Variants in PSD3 observed in about 807,000 individuals in gnomAD.
The protein encoded by PSD3 is PH and SEC7 domain-containing protein 3.
PSD3 carries 49 observed loss-of-function variants against 105.5 expected under a neutral mutation model. The ratio of observed to expected loss-of-function variants is 0.46; its 90% CI spans 0.37 to 0.59. The LOEUF is 0.59. Ranked by LOEUF, PSD3 falls within the 20% of genes least tolerant of loss-of-function variation. The probability of loss-of-function intolerance (pLI) is 0.00; values close to 1 mark genes in which losing one functional copy is unlikely to be tolerated. For synonymous variants in PSD3, 557 were observed against 457.8 expected, an observed-to-expected ratio of 1.22 and a Z score of -2.77; for missense variants, 1,561 against 1,263.8, an observed-to-expected ratio of 1.24 and a Z score of -3.57.
At chr8:18,559,852 G>A (rs983710558) in intron 14 of PSD3, among the ~76,000 whole-genome samples, 3 of 152,096 alleles carry the variant, frequency 2.0e-5, no homozygotes, top group Admixed American at 1.3e-4. Context: ...GCTTGCTCGG[G>A]TTTGTTCACT....
chr8:18,576,775 G>C (rs1447847363), intron 12 of PSD3, among the ~76,000 whole-genome samples: 1 of 152,004 alleles, frequency 6.6e-6, no homozygotes, highest in Non-Finnish European at 1.5e-5. Flanking sequence ...GAAATGATGA[G>C]GGCCAAAATC....
At chr8:18,857,212 C>G (rs1816080745) in intron 4 of PSD3, among the ~76,000 whole-genome samples, 1 of 152,228 alleles carries the variant, frequency 6.6e-6, no homozygotes, top group African/African-American at 2.4e-5. Flanking sequence ...AGAACGGGGA[C>G]TGGCTCAACT....
At chr8:18,675,198 GA>G (rs1203125706) in intron 9 of PSD3, among the ~76,000 whole-genome samples, 1 of 152,108 alleles carries the variant, frequency 6.6e-6, no homozygotes, top group Admixed American at 6.5e-5. Context: ...AAACTGTAAT[GA>G]AAAAGCTCAA....
In PSD3 at chr8:18,844,677, G is replaced by A. The variant is rs562557348; in HGVS notation, c.1634+22997C>T. Among the ~76,000 whole-genome samples the A allele has an allele frequency of 2.0e-5, 3 of 152,314 alleles. No homozygotes were observed. The South Asian group carries it at 6.2e-4, about 32-fold the overall frequency. ...CCCCTACTCCACATTAAATAGGATG[G>A]ATTGCTTTCTCAGGGAAAAATAAGA... is the stretch of plus-strand genomic sequence containing the variant. On this transcript the variant is annotated intron_variant, in intron 4 of 15. Transcript: ENST00000327040.
At chr8:18,759,898 C>T (rs1370973299) in intron 9 of PSD3, among the ~76,000 whole-genome samples, 1 of 150,202 alleles carries the variant, frequency 6.7e-6, no homozygotes, top group Non-Finnish European at 1.5e-5. Flanking sequence ...CACTGAAAGG[C>T]CCTGTGTCTT....
chr8:18,953,282 T>C (rs1167750744), intron 1 of PSD3, among the ~76,000 whole-genome samples: 3 of 150,518 alleles, frequency 2.0e-5, no homozygotes, highest in African/African-American at 7.4e-5. Context: ...GGCATGTTCA[T>C]ATATATCTGT....
chr8:18,797,255 A>C (rs1810269859), intron 8 of PSD3, among the ~76,000 whole-genome samples: 1 of 152,170 alleles, frequency 6.6e-6, no homozygotes. Flanking sequence ...ACAGAGAACT[A>C]CTTATCACCA....
rs1160369088 is a variant in PSD3, at chr8:18,610,022, C to G, written c.2411-9588G>C. ...GCAGCGTGGTAGCACTAAAACAGTA[C>G]TATTACTACTATATATTCCTAATCA... On this transcript the variant is annotated intron_variant, in intron 11 of 15. Transcript: ENST00000327040. Among the ~76,000 whole-genome samples the G allele has an allele frequency of 2.6e-5, 4 of 152,308 alleles. 1 individual carries two copies. The East Asian group carries it at 7.7e-4, about 29-fold the overall frequency.
intron 2 of PSD3, among the ~76,000 whole-genome samples, chr8:18,929,413 T>C (rs900600018): frequency 2.6e-5 from 4 of 151,950 alleles, no homozygotes; most frequent in African/African-American, 9.7e-5. Context: ...GCAGAACATA[T>C]GTCACCATGA....
At chr8:18,720,193 A>C (rs1802867002) in intron 9 of PSD3, among the ~76,000 whole-genome samples, 5 of 152,160 alleles carry the variant, frequency 3.3e-5, no homozygotes, top group Admixed American at 3.3e-4. Context: ...AAAAAAACAA[A>C]AAACCCTCAA....
At chr8:18,786,157 T>C (rs920058327) in intron 8 of PSD3, among the ~76,000 whole-genome samples, 2 of 152,122 alleles carry the variant, frequency 1.3e-5, no homozygotes, top group South Asian at 2.1e-4. Context: ...TGAGTCGAGA[T>C]TGCGCCACTG....
rs138115015 is a variant in PSD3 at position 18,575,406 on chromosome 8, G to T, written c.2482-121C>A. 856 of 938,904 alleles carry T rather than the reference G, an allele frequency of 9.1e-4. 2 individuals are homozygous for T. The African/African-American group carries it at 0.012, about 13-fold the overall frequency. The allele number at this position is 938,904 out of a possible 1,614,324, so 58.2% of individuals were successfully genotyped here. A position where few individuals can be genotyped will look rare whatever the true frequency, so the allele number is the denominator to read the frequency against. Reference sequence around the variant, plus strand: ...ATCCAAGTAAGTGAATGAAAAAAATGAAACAAACGGTGAGTAAAAACAACC... The same window carrying T: ...ATCCAAGTAAGTGAATGAAAAAAATTAAACAAACGGTGAGTAAAAACAACC... On this transcript the variant is annotated intron_variant, in intron 12 of 15. Transcript: ENST00000327040.
At chr8:18,781,912 G>C (rs1030246995) in intron 8 of PSD3, among the ~76,000 whole-genome samples, 5 of 151,824 alleles carry the variant, frequency 3.3e-5, no homozygotes, top group Non-Finnish European at 4.4e-5. Flanking sequence ...ATCTGCTCAG[G>C]TTATTTCAAA....
intron 9 of PSD3, among the ~76,000 whole-genome samples, chr8:18,681,658 C>G (rs999216819): frequency 2.0e-5 from 3 of 151,896 alleles, no homozygotes; most frequent in Admixed American, 6.6e-5. Flanking sequence ...ATTTAGGGTA[C>G]AAGCCTGTCA....
At chr8:18,791,061 A>G (rs1008520144) in intron 8 of PSD3, among the ~76,000 whole-genome samples, 6 of 152,226 alleles carry the variant, frequency 3.9e-5, no homozygotes, top group African/African-American at 1.2e-4. Context: ...ACCACTGCTC[A>G]AAAAAATCAG....
intron 9 of PSD3, among the ~76,000 whole-genome samples, chr8:18,757,353 A>G (rs537558371): frequency 1.3e-5 from 2 of 152,048 alleles, no homozygotes; most frequent in East Asian, 3.9e-4. Flanking sequence ...AATCCCAGCT[A>G]CTCGGGAGGC....
chr8:19,006,017 G>A (rs1826660649), intron 1 of PSD3, among the ~76,000 whole-genome samples: 1 of 151,778 alleles, frequency 6.6e-6, no homozygotes, highest in African/African-American at 2.4e-5. Flanking sequence ...TACTATAAAG[G>A]ATATATAGGC....
At position 19,067,669 on chromosome 8, in the gene PSD3, G is replaced by A. The variant is rs536122086; in HGVS notation, c.324+16537C>T. On this transcript the variant is annotated intron_variant, in intron 1 of 1. Coordinates refer to the PSD3 transcript ENST00000521475. ...GGGGTGTCACTCAAGGCTCAGGATG[G>A]AAGCTGTTGTCTTATGAACTGCAGG... is the stretch of plus-strand genomic sequence containing the variant. Among the ~76,000 whole-genome samples, 47 of 152,280 alleles carry A rather than the reference G, an allele frequency of 3.1e-4. No homozygotes were observed. In the South Asian group the frequency reaches 9.1e-3, roughly 30 times the overall value.
chr8:18,571,396 A>T (rs2717758), intron 14 of PSD3, among the ~76,000 whole-genome samples: 1 of 152,052 alleles, frequency 6.6e-6, no homozygotes, highest in Non-Finnish European at 1.5e-5. Flanking sequence ...CTCGTCCCAC[A>T]CCTCACCTAA....
Sources: gnomAD v4.1 joint callset for allele counts (sites outside exome capture counted in the v4.1 genomes callset) on GRCh38, gnomAD v4.1.1 for gene constraint, MANE v1.5 for transcripts, NCBI Gene and HGNC (gene_info 2026-07-23, HGNC 2026-07-21) for gene names.